Variants in NBPF26 observed in about 807,000 individuals in gnomAD.
NBPF26 encodes NBPF family member NBPF26.
A neutral mutation model predicts 119.6 loss-of-function variants in NBPF26; 79 were observed. That is an observed-to-expected ratio of 0.66 (90% CI 0.55 to 0.80). The LOEUF is 0.80. NBPF26 is among the 30% of genes least tolerant of loss of function. The pLI, the probability that NBPF26 is intolerant of heterozygous loss-of-function variation, is 0.00. For synonymous variants in NBPF26, 299 were observed against 457.7 expected, an observed-to-expected ratio of 0.65 and a Z score of 4.43; for missense variants, 800 against 1,198.2, an observed-to-expected ratio of 0.67 and a Z score of 4.91.
intron 9 of NBPF26, among the ~76,000 whole-genome samples, chr1:120,811,209 C>A (rs1651856310): frequency 9.5e-6 from 1 of 105,206 alleles, no homozygotes; most frequent in South Asian, 2.7e-4. Flanking sequence ...GATTGTGCCA[C>A]TGCACTCCAG....
At chr1:120,813,280 A>T (rs1267893532) in intron 10 of NBPF26, among the ~76,000 whole-genome samples, 9 of 126,428 alleles carry the variant, frequency 7.1e-5, no homozygotes, top group African/African-American at 3.5e-4. Flanking sequence ...AACACTATCT[A>T]TTAGTTCTTC....
At chr1:120,767,754 A>C (rs1651209850) in intron 2 of NBPF26, among the ~76,000 whole-genome samples, 1 of 115,548 alleles carries the variant, frequency 8.7e-6, no homozygotes, top group South Asian at 2.5e-4. Flanking sequence ...CAGACTTTCA[A>C]ATATAAACCA....
intron 4 of NBPF26, chr1:120,805,329 C>T (rs1470567935): frequency 9.7e-7 from 1 of 1,030,102 alleles, no homozygotes; most frequent in Non-Finnish European, 1.4e-6. Flanking sequence ...CCACATTCTG[C>T]CTCACTCTTA....
intron 5 of NBPF26, among the ~76,000 whole-genome samples, chr1:120,806,450 G>A (rs1262985190): frequency 8.7e-6 from 1 of 114,642 alleles, no homozygotes; most frequent in Non-Finnish European, 1.7e-5. Context: ...AAAAGTAGAT[G>A]GGCATCGTGG....
chr1:120,823,756 G>GTGTGTGTGTGTGTA (rs1448242917), intron 17 of NBPF26, among the ~76,000 whole-genome samples: 2 of 96,188 alleles, frequency 2.1e-5, no homozygotes, highest in Admixed American at 9.9e-5. Context: ...CTCGCTCTGT[G>GTGTGTGTGTGTGTA]TGTGTGTGTG....
chr1:120,734,398 A>T (rs2101353610), intron 1 of NBPF26, among the ~76,000 whole-genome samples: 1 of 88,558 alleles, frequency 1.1e-5, no homozygotes, highest in South Asian at 3.3e-4. Flanking sequence ...GAAGGATTAC[A>T]ATATTTTCTT....
At chr1:120,779,445 A>T (rs1470426068) in intron 2 of NBPF26, among the ~76,000 whole-genome samples, 1 of 115,048 alleles carries the variant, frequency 8.7e-6, no homozygotes, top group Non-Finnish European at 1.7e-5. Flanking sequence ...TCATCTGCGA[A>T]GTATGTTCTT....
chr1:120,748,113 C>CTT (rs1186945714), intron 1 of NBPF26, among the ~76,000 whole-genome samples: 544 of 29,632 alleles, frequency 0.018, 18 homozygotes, highest in African/African-American at 0.064. Flanking sequence ...GTAAAGGCTC[C>CTT]TTTTTTTTTT....
intron 1 of NBPF26, among the ~76,000 whole-genome samples, chr1:120,758,136 A>G (rs1651094256): frequency 8.1e-6 from 1 of 123,870 alleles, no homozygotes; most frequent in African/African-American, 3.9e-5. Context: ...CGATCTGTTC[A>G]GGAAAGAGGG....
rs1651316904 is a variant in NBPF26, at chr1:120,777,964, C to G, written c.156-7010C>G. On this transcript the variant is annotated intron_variant, in intron 2 of 29. Coordinates refer to ENST00000620612, the Ensembl canonical transcript of NBPF26. ...CCAGCCTAGAAGTTTAGACTTGATT[C>G]TATAGGCTCTGGGGTACCTACAAGT... Among the ~76,000 whole-genome samples the G allele has an allele frequency of 2.3e-5, 2 of 85,164 alleles. 1 individual carries two copies. Among genetic ancestry groups the G allele is most frequent in the Non-Finnish European group, 4.1e-5 (2 of 48,820 alleles). The allele number at this position is 85,164 out of a possible 152,430, so 55.9% of individuals were successfully genotyped here.
chr1:120,752,569 TTTTTTC>T (rs1651035276), intron 1 of NBPF26, among the ~76,000 whole-genome samples: 11 of 33,490 alleles, frequency 3.3e-4, no homozygotes, highest in African/African-American at 1.4e-3. Flanking sequence ...TTTTTTTTTT[TTTTTTC>T]TTTTTTTTTT....
At position 120,810,798 on chromosome 1, in the gene NBPF26, C is replaced by T. The variant is rs1257544087; in HGVS notation, c.1564+240C>T. ...GTGAAACCCATCTTTACAAAGAATA[C>T]AAAAAATTAGGCAGGCATGGTGCTG... On this transcript the variant is annotated intron_variant, in intron 9 of 29. Transcript: ENST00000620612. 1.8e-5 allele frequency among the ~76,000 whole-genome samples: 2 copies of T among 109,998 alleles called. 1 individual carries two copies. The highest frequency in any genetic ancestry group is 3.5e-5 in the Non-Finnish European group (2 of 57,098). 72.2% of individuals were successfully genotyped at this position (109,998 alleles called of 152,430 possible).
chr1:120,752,631 C>A, intron 1 of NBPF26, among the ~76,000 whole-genome samples: 1 of 31,446 alleles, frequency 3.2e-5, no homozygotes, highest in Non-Finnish European at 4.7e-5. Flanking sequence ...AGTGCAGTGG[C>A]ACAATCTTGG....
At chr1:120,807,342 T>C (rs1651722408) in intron 5 of NBPF26, among the ~76,000 whole-genome samples, 1 of 124,572 alleles carries the variant, frequency 8.0e-6, no homozygotes, top group Non-Finnish European at 1.6e-5. Flanking sequence ...GGACTGTGAG[T>C]TCTGACTCCA....
chr1:120,817,976 A>G (rs2101526490), intron 14 of NBPF26, 147 bp from the exon 15 acceptor site: 2 of 503,992 alleles, frequency 4.0e-6, no homozygotes, highest in Non-Finnish European at 3.4e-6. Context: ...ACCAAAGTTA[A>G]TCTAGGACAA....
intron 4 of NBPF26, 141 bp from the exon 5 acceptor site, chr1:120,805,415 C>T: frequency 7.9e-7 from 1 of 1,266,836 alleles, no homozygotes; most frequent in Non-Finnish European, 1.1e-6. Flanking sequence ...GGTGAAGGAT[C>T]CTAAAGTGCT....
intron 1 of NBPF26, among the ~76,000 whole-genome samples, chr1:120,760,070 G>A (rs2101400470): frequency 1.0e-5 from 1 of 99,316 alleles, no homozygotes. Context: ...TTGTCTTCCT[G>A]TGCCTTATTT....
At chr1:120,765,206 A>G (rs1283071434) in intron 2 of NBPF26, among the ~76,000 whole-genome samples, 1 of 115,726 alleles carries the variant, frequency 8.6e-6, no homozygotes, top group East Asian at 2.0e-4. Flanking sequence ...AAGAATGGAG[A>G]TACAACTGGA....
Position 120,815,451 on chromosome 1 carries a change from C to T in NBPF26, c.2092+408C>T, listed in dbSNP as rs1413472026. On this transcript the variant is annotated intron_variant, in intron 12 of 29. Transcript: ENST00000620612. ...TGTCCTTCCTGAGTTTCTCTCTCTC[C>T]GTGGCAGACAAATTGTCTCTTGCAA... 3.9e-4 allele frequency among the ~76,000 whole-genome samples: 42 copies of T among 106,604 alleles called. 10 individuals carry two copies. The highest frequency in any genetic ancestry group is 6.5e-4 in the Non-Finnish European group (37 of 57,288). The allele number at this position is 106,604 out of a possible 152,430, so 69.9% of individuals were successfully genotyped here.
Sources: gnomAD v4.1 joint callset for allele counts (sites outside exome capture counted in the v4.1 genomes callset) on GRCh38, gnomAD v4.1.1 for gene constraint, MANE v1.5 for transcripts, NCBI Gene and HGNC (gene_info 2026-07-23, HGNC 2026-07-21) for gene names.